Variants in GRB14 observed in about 807,000 individuals in gnomAD.
The protein encoded by GRB14 is growth factor receptor-bound protein 14.
Under a neutral mutation model 69.1 loss-of-function variants are expected in GRB14, and 38 were observed. That is an observed-to-expected ratio of 0.55 (90% CI 0.42 to 0.72). The LOEUF (loss-of-function observed/expected upper bound fraction) is 0.72, where lower values mean the gene tolerates loss of function less well. Among genes scored for constraint, GRB14 ranks in the 30% least tolerant of loss-of-function variants. The pLI, the probability that GRB14 is intolerant of heterozygous loss-of-function variation, is 0.00. For synonymous variants in GRB14, 247 were observed against 241.3 expected (o/e 1.02, Z -0.22); for missense variants, 666 against 666.1 (o/e 1.00, Z 0.00).
chr2:164,579,372 T>G (rs1689335691), intron 2 of GRB14, among the ~76,000 whole-genome samples: 1 of 152,098 alleles, frequency 6.6e-6, no homozygotes, highest in Admixed American at 6.5e-5. Flanking sequence ...ACAAGTGAGA[T>G]AATGATTTAA....
At chr2:164,619,441 A>G (rs1690389836) in intron 2 of GRB14, among the ~76,000 whole-genome samples, 1 of 152,124 alleles carries the variant, frequency 6.6e-6, no homozygotes, top group African/African-American at 2.4e-5. Flanking sequence ...ACTGCACTTT[A>G]TATATATTCT....
intron 3 of GRB14, among the ~76,000 whole-genome samples, chr2:164,545,069 C>A (rs937250613): frequency 6.6e-6 from 1 of 152,132 alleles, no homozygotes; most frequent in African/African-American, 2.4e-5. Flanking sequence ...AACAAAGGGA[C>A]GATTTTGTAT....
At chr2:164,603,274 T>C (rs567684698) in intron 2 of GRB14, among the ~76,000 whole-genome samples, 16 of 152,254 alleles carry the variant, frequency 1.1e-4, no homozygotes, top group Admixed American at 7.9e-4. Flanking sequence ...GGTGCTAGTA[T>C]GAATGGATGG....
In GRB14 at chr2:164,508,497, CTCT is replaced by C. The variant is rs755757465; in HGVS notation, c.978_980del (p.Glu327del). On this transcript the variant is annotated inframe_deletion, in exon 8 of 14. Transcript: ENST00000263915. ...CGGTCACCCAGCACGTCCTACTCTG[CTCT>C]TCTTCTGCACAGAGCATTTTCAGGT... The C allele has an allele frequency of 6.8e-6, 11 of 1,614,010 alleles. No individual in the cohort carries two copies. Among genetic ancestry groups the C allele is most frequent in the African/African-American group, 2.7e-5 (2 of 74,934 alleles).
At chr2:164,568,373 C>T (rs954099158) in intron 2 of GRB14, 5 of 1,287,978 alleles carry the variant, frequency 3.9e-6, no homozygotes, top group Admixed American at 4.6e-5. Flanking sequence ...TGCACTCAAA[C>T]TCATGCCTGC....
intron 13 of GRB14, among the ~76,000 whole-genome samples, chr2:164,493,647 T>G (rs1686817008): frequency 1.3e-5 from 2 of 152,182 alleles, no homozygotes; most frequent in African/African-American, 2.4e-5. Context: ...TCAGTTTTCT[T>G]TTTTTTAAAT....
chr2:164,503,220 C>CT (rs1458000843), intron 8 of GRB14, among the ~76,000 whole-genome samples: 4 of 149,820 alleles, frequency 2.7e-5, no homozygotes, highest in Admixed American at 6.7e-5. Context: ...AATAAACAGC[C>CT]TTTTTTCCCC....
chr2:164,504,293 A>T (rs1687134372), intron 8 of GRB14, among the ~76,000 whole-genome samples: 1 of 152,164 alleles, frequency 6.6e-6, no homozygotes, highest in Admixed American at 6.5e-5. Context: ...TAGCCAAGAT[A>T]ATATCTCCTT....
rs1348545175 is a variant in GRB14, at chr2:164,564,589, AAT to A, written c.325-16775_325-16774del. The stretch of plus-strand genomic sequence containing the variant: ...TTCAAAAGGATTTGAATCTTAAAAA[AAT>A]ATATGTCATTAAAAGTATCCCTTTT... On this transcript the variant is annotated intron_variant, in intron 2 of 13. Transcript: ENST00000263915. Among the ~76,000 whole-genome samples, 30 of 152,344 alleles carry A rather than the reference AAT, an allele frequency of 2.0e-4. 1 individual carries two copies. In the Middle Eastern group the frequency reaches 0.01, roughly 52 times the overall value.
intron 2 of GRB14, among the ~76,000 whole-genome samples, chr2:164,576,868 G>A (rs2105334581): frequency 2.0e-5 from 3 of 151,240 alleles, no homozygotes; most frequent in Middle Eastern, 6.8e-3. Context: ...TTCTGAATCT[G>A]GTCTTTGGGG....
In GRB14 at chr2:164,615,849, T is replaced by C. The variant is rs565630738; in HGVS notation, c.324+3838A>G. On this transcript the variant is annotated intron_variant, in intron 2 of 13. Transcript: ENST00000263915. ...AGGGGTCAACAAAAAAGACAAGAAC[T>C]GATTCTGCTGCAAGAGCTAAATAAA... Among the ~76,000 whole-genome samples the C allele has an allele frequency of 2.0e-5, 3 of 152,300 alleles. No individual in the cohort carries two copies. The South Asian group carries it at 6.2e-4, about 32-fold the overall frequency.
At chr2:164,536,497 AC>A (rs1158818469) in intron 3 of GRB14, among the ~76,000 whole-genome samples, 1 of 152,236 alleles carries the variant, frequency 6.6e-6, no homozygotes, top group Non-Finnish European at 1.5e-5. Context: ...CAATCACAAT[AC>A]ATCTTTAAAC....
chr2:164,560,338 A>T (rs902832299), intron 2 of GRB14, among the ~76,000 whole-genome samples: 11 of 152,066 alleles, frequency 7.2e-5, no homozygotes, highest in African/African-American at 2.7e-4. Flanking sequence ...TTGTTTTTTC[A>T]CTTTTCATAG....
At chr2:164,538,313 T>C (rs547945651) in intron 3 of GRB14, among the ~76,000 whole-genome samples, 1 of 152,124 alleles carries the variant, frequency 6.6e-6, no homozygotes, top group Non-Finnish European at 1.5e-5. Context: ...TGGCTTCAAT[T>C]AGGAATCAGA....
chr2:164,589,561 G>C (rs544667368), intron 2 of GRB14, among the ~76,000 whole-genome samples: 1 of 152,186 alleles, frequency 6.6e-6, no homozygotes, highest in South Asian at 2.1e-4. Context: ...GAGAAAGGAG[G>C]TGTCAGGCTC....
In GRB14 at chr2:164,492,739, G is replaced by T; in HGVS notation, c.*297C>A. The T allele has an allele frequency of 4.6e-6, 1 of 215,858 alleles. No homozygotes were observed. The highest frequency in any genetic ancestry group is 1.7e-4 in the South Asian group (1 of 5,976). The allele number at this position is 215,858 out of a possible 1,614,324, so 13.4% of individuals were successfully genotyped here. ...CTGATGTTGCTATATGGTAAATAAGGGAGACATGTTTTAAATATGCATATT... is the reference window on the plus strand; with the variant it reads ...CTGATGTTGCTATATGGTAAATAAGTGAGACATGTTTTAAATATGCATATT... On this transcript the variant is annotated 3_prime_UTR_variant, in exon 14 of 14. Transcript: ENST00000263915.
intron 3 of GRB14, among the ~76,000 whole-genome samples, chr2:164,545,996 C>T (rs1381809865): frequency 6.6e-6 from 1 of 152,170 alleles, no homozygotes. Context: ...AATTTAGGGT[C>T]TACACTACCA....
At chr2:164,557,116 A>G (rs1200163295) in intron 2 of GRB14, among the ~76,000 whole-genome samples, 3 of 152,234 alleles carry the variant, frequency 2.0e-5, no homozygotes, top group Admixed American at 2.0e-4. Context: ...GAATAAGGAA[A>G]GAAGGTAAGA....
chr2:164,527,443 G>A (rs1687811758), intron 3 of GRB14, among the ~76,000 whole-genome samples: 1 of 151,458 alleles, frequency 6.6e-6, no homozygotes, highest in Non-Finnish European at 1.5e-5. Flanking sequence ...TTATTACTGT[G>A]TAAATAATAT....
Sources: allele counts gnomAD v4.1 joint callset (sites outside exome capture counted in the v4.1 genomes callset), GRCh38; gene constraint gnomAD v4.1.1; transcripts MANE v1.5; gene names NCBI Gene and HGNC (gene_info 2026-07-23, HGNC 2026-07-21).